Variants in PRIMA1 observed in about 807,000 individuals in gnomAD.
PRIMA1 encodes proline rich membrane anchor 1.
In PRIMA1, 7 loss-of-function variants were observed where a neutral mutation model predicts 17.5. That is an observed-to-expected ratio of 0.40 (90% CI 0.23 to 0.75). The LOEUF is 0.75. PRIMA1 is among the 30% of genes least tolerant of loss of function. PRIMA1 has a pLI of 0.37. For synonymous variants in PRIMA1, 97 were observed against 77.9 expected (o/e 1.25, Z -1.29); for missense variants, 200 against 201.8 (o/e 0.99, Z 0.05).
chr14:93,787,755 A>G lies in PRIMA1; in HGVS notation c.-31-6T>C. 1 of 1,537,852 alleles carries G rather than the reference A, an allele frequency of 6.5e-7. No individual in the cohort carries two copies. The highest frequency in any genetic ancestry group is 8.7e-7 in the Non-Finnish European group (1 of 1,145,272). ...GCGCCCGCTCCTGGGGCGAACTGTC[A>G]GGAGAGCAAGGCTAGGGTCAGGCGG... On this transcript the variant is annotated splice_polypyrimidine_tract_variant and splice_region_variant and intron_variant, in intron 1 of 4. Coordinates refer to ENST00000393140, the MANE Select transcript of PRIMA1 (RefSeq NM_178013.4).
At chr14:93,769,696 ACCAGG>A (rs979000699) in intron 3 of PRIMA1, among the ~76,000 whole-genome samples, 8 of 152,258 alleles carry the variant, frequency 5.3e-5, no homozygotes, top group African/African-American at 1.4e-4. Flanking sequence ...TTTGCGACCC[ACCAGG>A]CCTGGACCTC....
intron 3 of PRIMA1, among the ~76,000 whole-genome samples, chr14:93,773,204 C>A (rs1885117762): frequency 6.6e-6 from 1 of 152,182 alleles, no homozygotes; most frequent in Non-Finnish European, 1.5e-5. Context: ...CCCAGGATGG[C>A]CTGGATAATT....
chr14:93,755,902 C>T (rs1017019989), intron 3 of PRIMA1, among the ~76,000 whole-genome samples: 2 of 152,040 alleles, frequency 1.3e-5, no homozygotes, highest in Non-Finnish European at 2.9e-5. Flanking sequence ...CGCCATGCAC[C>T]CCAGAGAGCA....
At chr14:93,747,807 G>C (rs909726017) in intron 3 of PRIMA1, among the ~76,000 whole-genome samples, 2 of 148,348 alleles carry the variant, frequency 1.3e-5, no homozygotes, top group Non-Finnish European at 3.0e-5. Flanking sequence ...TAAGGGGACT[G>C]AGTGTGTGGG....
intron 2 of PRIMA1, among the ~76,000 whole-genome samples, chr14:93,784,693 A>C (rs1885471618): frequency 6.6e-6 from 1 of 151,842 alleles, no homozygotes; most frequent in Non-Finnish European, 1.5e-5. Flanking sequence ...CCTCACCCTC[A>C]TTTGCATCCT....
chr14:93,722,700 G>A (rs1182259431), intron 4 of PRIMA1, among the ~76,000 whole-genome samples: 1 of 12,820 alleles, frequency 7.8e-5, no homozygotes, highest in Non-Finnish European at 1.4e-4. Context: ...TAATGATGAT[G>A]ATAGTGGTGG....
At chr14:93,752,884 G>T (rs2076269046) in intron 3 of PRIMA1, among the ~76,000 whole-genome samples, 1 of 152,246 alleles carries the variant, frequency 6.6e-6, no homozygotes, top group Non-Finnish European at 1.5e-5. Context: ...GCTAGGGCAG[G>T]GATCCTCAAC....
Position 93,787,672 on chromosome 14 carries a change from G to T in PRIMA1, c.47C>A (p.Ser16Ter). 6.5e-7 allele frequency: 1 copy of T among 1,544,212 alleles called. No homozygotes were observed. ...GTGGAGCGCGCAGTGCAGCAGCAGC[G>T]AGGACCAGCAGCAGCCACGGCGCAG... ...LVLRRGCCWSSLLLHCALHPL... is the reference protein window; with the variant it reads ...LVLRRGCCWS The change falls in exon 2 of 5, where the codon TCG becomes TAG. Residue 16 changes from serine to a stop codon, truncating the protein, a stop_gained. Transcript: ENST00000393140. LOFTEE classifies it high-confidence loss of function.
At chr14:93,757,336 C>T (rs1398167641) in intron 3 of PRIMA1, among the ~76,000 whole-genome samples, 1 of 152,242 alleles carries the variant, frequency 6.6e-6, no homozygotes, top group Non-Finnish European at 1.5e-5. Flanking sequence ...ACACTCCCGC[C>T]GATCCGTTCC....
chr14:93,752,957 T>C (rs936469349), intron 3 of PRIMA1, among the ~76,000 whole-genome samples: 9 of 152,170 alleles, frequency 5.9e-5, no homozygotes, highest in South Asian at 2.1e-4. Context: ...CTGTGCACCA[T>C]AGAATGCCTC....
intron 3 of PRIMA1, among the ~76,000 whole-genome samples, chr14:93,772,007 G>T (rs8012945): frequency 2.0e-5 from 3 of 152,082 alleles, no homozygotes; most frequent in South Asian, 2.1e-4. Flanking sequence ...TCTGAGCTCC[G>T]CATAAAAATT....
chr14:93,779,848 G>T (rs749655317), intron 2 of PRIMA1, among the ~76,000 whole-genome samples: 3 of 152,190 alleles, frequency 2.0e-5, no homozygotes, highest in Non-Finnish European at 4.4e-5. Flanking sequence ...ACCCAGAGAG[G>T]CCTCTACTCC....
chr14:93,728,697 C>G (rs2076095198), intron 4 of PRIMA1, among the ~76,000 whole-genome samples: 1 of 152,112 alleles, frequency 6.6e-6, no homozygotes. Flanking sequence ...AAGAAAAAGG[C>G]CCCAAGAAGC....
intron 2 of PRIMA1, among the ~76,000 whole-genome samples, chr14:93,781,998 T>G (rs1365298048): frequency 6.7e-6 from 1 of 150,180 alleles, no homozygotes; most frequent in Non-Finnish European, 1.5e-5. Flanking sequence ...CCGGGCGCAG[T>G]GGCTCACGCC....
chr14:93,767,759 C>A (rs138535816), intron 3 of PRIMA1, among the ~76,000 whole-genome samples: 5 of 152,172 alleles, frequency 3.3e-5, no homozygotes, highest in African/African-American at 1.2e-4. Flanking sequence ...CTACACACCC[C>A]CCCTCTCCAT....
At chr14:93,763,785 C>A (rs540305698) in intron 3 of PRIMA1, among the ~76,000 whole-genome samples, 1 of 152,062 alleles carries the variant, frequency 6.6e-6, no homozygotes, top group African/African-American at 2.4e-5. Flanking sequence ...CAGTCCCCAC[C>A]GTCTCTTCTC....
intron 2 of PRIMA1, among the ~76,000 whole-genome samples, chr14:93,781,611 T>A (rs1448828199): frequency 6.6e-6 from 1 of 152,194 alleles, no homozygotes; most frequent in African/African-American, 2.4e-5. Flanking sequence ...ATAAGGGTGT[T>A]TAATGTGATG....
At chr14:93,729,051 T>C (rs1246730359) in intron 4 of PRIMA1, among the ~76,000 whole-genome samples, 3 of 152,170 alleles carry the variant, frequency 2.0e-5, no homozygotes, top group African/African-American at 7.2e-5. Flanking sequence ...CTGCATCTTC[T>C]GGGACTCCAA....
At chr14:93,760,248 G>T (rs921090657) in intron 3 of PRIMA1, among the ~76,000 whole-genome samples, 3 of 152,176 alleles carry the variant, frequency 2.0e-5, no homozygotes, top group Non-Finnish European at 4.4e-5. Flanking sequence ...ATCTCCGTGA[G>T]ATTCATTGTC....
Sources: gnomAD v4.1 joint callset for allele counts (sites outside exome capture counted in the v4.1 genomes callset) on GRCh38, gnomAD v4.1.1 for gene constraint, MANE v1.5 for transcripts, NCBI Gene and HGNC (gene_info 2026-07-23, HGNC 2026-07-21) for gene names.